The following PALM2AKAP2 variants were observed in gnomAD, a reference collection of about 807,000 sequenced individuals.
The protein encoded by PALM2AKAP2 is PALM2-AKAP2 fusion protein.
Under a neutral mutation model 71.5 loss-of-function variants are expected in PALM2AKAP2, and 37 were observed. That is an observed-to-expected ratio of 0.52 (90% confidence interval 0.40 to 0.68). The LOEUF is 0.68. Among genes scored for constraint, PALM2AKAP2 ranks in the 30% least tolerant of loss-of-function variants. The probability of loss-of-function intolerance (pLI) is 0.00; values close to 1 mark genes in which losing one functional copy is unlikely to be tolerated. For missense variants in PALM2AKAP2, 1,224 were observed against 1,191.8 expected, an observed-to-expected ratio of 1.03 and a Z score of -0.40; for synonymous variants, 468 against 478.8, an observed-to-expected ratio of 0.98 and a Z score of 0.29.
intron 1 of PALM2AKAP2, among the ~76,000 whole-genome samples, chr9:109,851,909 T>C (rs2131628278): frequency 6.6e-6 from 1 of 152,258 alleles, no homozygotes. Context: ...GTGGTCTTTG[T>C]TCACTTCCTT....
At chr9:109,976,020 T>A (rs140051622) in intron 6 of PALM2AKAP2, among the ~76,000 whole-genome samples, 2 of 152,374 alleles carry the variant, frequency 1.3e-5, no homozygotes, top group Non-Finnish European at 2.9e-5. Flanking sequence ...TGTTTATAAA[T>A]AAAGATTTAT....
chr9:109,873,447 TAAAATAAAATAAAATAAAATAA>T (rs1203321416), intron 2 of PALM2AKAP2, among the ~76,000 whole-genome samples: 3 of 15,076 alleles, frequency 2.0e-4, no homozygotes, highest in Non-Finnish European at 8.0e-4. Flanking sequence ...AATTAAAAAA[TAAAATAAAATAAAATAAAATAA>T]AATAAAATAA....
intron 1 of PALM2AKAP2, among the ~76,000 whole-genome samples, chr9:109,715,441 C>CGA (rs1274048865): frequency 1.3e-5 from 2 of 152,138 alleles, no homozygotes; most frequent in Non-Finnish European, 2.9e-5. Context: ...GAGGGCTGGG[C>CGA]AGTCGTTCAA....
At chr9:109,691,908 A>ACG (rs1827900850) in intron 1 of PALM2AKAP2, among the ~76,000 whole-genome samples, 1 of 63,838 alleles carries the variant, frequency 1.6e-5, no homozygotes, top group African/African-American at 6.5e-5. Flanking sequence ...ATATACACAC[A>ACG]CACATATATA....
chr9:109,664,234 ATATTTGCTGGT>A (rs1427670185), intron 1 of PALM2AKAP2, among the ~76,000 whole-genome samples: 2 of 152,162 alleles, frequency 1.3e-5, no homozygotes, highest in Non-Finnish European at 2.9e-5. Context: ...TGTCATTATG[ATATTTGCTGGT>A]TATTTTGCCC....
intron 1 of PALM2AKAP2, among the ~76,000 whole-genome samples, chr9:109,787,782 A>G (rs916411474): frequency 6.6e-6 from 1 of 152,242 alleles, no homozygotes; most frequent in Admixed American, 6.5e-5. Context: ...AAAAACTTTA[A>G]AAAGATTGGC....
intron 7 of PALM2AKAP2, among the ~76,000 whole-genome samples, chr9:110,018,615 G>T (rs1833021707): frequency 6.6e-6 from 1 of 152,214 alleles, no homozygotes; most frequent in African/African-American, 2.4e-5. Flanking sequence ...ACAGGTGTAA[G>T]CCTCTCCACC....
chr9:109,768,647 A>G (rs1209791448), intron 1 of PALM2AKAP2, among the ~76,000 whole-genome samples: 1 of 152,230 alleles, frequency 6.6e-6, no homozygotes, highest in East Asian at 1.9e-4. Context: ...ATATTATTAC[A>G]TCTGCCACTT....
chr9:110,004,878 A>G (rs1041194167), intron 6 of PALM2AKAP2, among the ~76,000 whole-genome samples: 1 of 152,208 alleles, frequency 6.6e-6, no homozygotes, highest in Non-Finnish European at 1.5e-5. Flanking sequence ...TTTCAGCTCC[A>G]TCAGGTCCTT....
At chr9:109,796,054 C>A (rs1467448978) in intron 1 of PALM2AKAP2, among the ~76,000 whole-genome samples, 1 of 152,260 alleles carries the variant, frequency 6.6e-6, no homozygotes, top group Non-Finnish European at 1.5e-5. Flanking sequence ...CCGCCTGTCA[C>A]AACACATTTT....
Position 110,108,712 on chromosome 9 carries a change from T to C in PALM2AKAP2, c.157-27415T>C, listed in dbSNP as rs542873472. 2.0e-5 allele frequency among the ~76,000 whole-genome samples: 3 copies of C among 152,330 alleles called. No homozygotes were observed. In the South Asian group the frequency reaches 6.2e-4, roughly 32 times the overall value. Reference sequence around the variant, plus strand: ...AAATCTTCAAAATAGTGGTAATGGTTACACAACATTGTGAATATAATTAAT... The same window carrying C: ...AAATCTTCAAAATAGTGGTAATGGTCACACAACATTGTGAATATAATTAAT... On this transcript the variant is annotated intron_variant, in intron 1 of 3. Transcript: ENST00000374525.
At chr9:109,988,590 GAAA>G in intron 6 of PALM2AKAP2, among the ~76,000 whole-genome samples, 3 of 71,090 alleles carry the variant, frequency 4.2e-5, no homozygotes, top group East Asian at 2.6e-4. Context: ...AAAAAAGGAA[GAAA>G]GGAAGGAAGG....
At chr9:110,087,026 C>T (rs376788653) in intron 1 of PALM2AKAP2, among the ~76,000 whole-genome samples, 22 of 152,300 alleles carry the variant, frequency 1.4e-4, no homozygotes, top group Non-Finnish European at 2.6e-4. Flanking sequence ...GTAAACACTA[C>T]GCCATTCCAT....
upstream of PALM2AKAP2, among the ~76,000 whole-genome samples, chr9:109,775,711 T>C (rs1212670986): frequency 6.6e-6 from 1 of 152,222 alleles, no homozygotes; most frequent in East Asian, 1.9e-4. Flanking sequence ...CACTCATAGC[T>C]CTTGCTCAAC....
At chr9:110,115,289 A>G (rs578192698) in intron 1 of PALM2AKAP2, among the ~76,000 whole-genome samples, 2 of 152,342 alleles carry the variant, frequency 1.3e-5, no homozygotes, top group Admixed American at 1.3e-4. Context: ...GCTGGGGCAG[A>G]ATCACAGTCA....
intron 1 of PALM2AKAP2, among the ~76,000 whole-genome samples, chr9:110,054,225 C>A (rs2132518268): frequency 6.6e-6 from 1 of 152,330 alleles, no homozygotes; most frequent in East Asian, 1.9e-4. Flanking sequence ...CATGGAGAAA[C>A]CCGGTCTCTA....
At chr9:109,640,816 G>A (rs957130808) in exon 1 of PALM2AKAP2, 6 of 1,510,472 alleles carry the variant, frequency 4.0e-6, no homozygotes, top group Middle Eastern at 2.3e-4. Flanking sequence ...GAGGCGAGCA[G>A]CGCCGGTGAG....
chr9:109,898,124 A>G (rs574413894), intron 3 of PALM2AKAP2, among the ~76,000 whole-genome samples: 1 of 152,350 alleles, frequency 6.6e-6, no homozygotes, highest in African/African-American at 2.4e-5. Flanking sequence ...TCAGAGAACA[A>G]CTTTGTTGTT....
intron 1 of PALM2AKAP2, among the ~76,000 whole-genome samples, chr9:109,803,103 G>GGAA (rs35649179): frequency 1.3e-5 from 2 of 150,474 alleles, no homozygotes; most frequent in South Asian, 2.1e-4. Context: ...GGTTTTTGGG[G>GGAA]AAAAAAAAAG....
Sources: gnomAD v4.1 joint callset for allele counts (sites outside exome capture counted in the v4.1 genomes callset) on GRCh38, gnomAD v4.1.1 for gene constraint, MANE v1.5 for transcripts, NCBI Gene and HGNC (gene_info 2026-07-23, HGNC 2026-07-21) for gene names.